AJAP1: variants seen among roughly 807,000 people sequenced by gnomAD.
The protein encoded by AJAP1 is adherens junctions associated protein 1.
In AJAP1, 5 loss-of-function variants were observed where a neutral mutation model predicts 35.0. That is an observed-to-expected ratio of 0.14 (90% CI 0.07 to 0.30). AJAP1 has a LOEUF of 0.30. Ranked by LOEUF, AJAP1 falls within the 10% of genes least tolerant of loss-of-function variation. The pLI is 1.00. For missense variants in AJAP1, 586 were observed against 571.0 expected, an observed-to-expected ratio of 1.03 and a Z score of -0.27; for synonymous variants, 284 against 249.3, an observed-to-expected ratio of 1.14 and a Z score of -1.31.
At chr1:4,741,395 G>C (rs937817389) in intron 2 of AJAP1, among the ~76,000 whole-genome samples, 1 of 152,056 alleles carries the variant, frequency 6.6e-6, no homozygotes, top group Non-Finnish European at 1.5e-5. Context: ...AGCTGCTGGC[G>C]TCCCTTGACT....
rs3753711 is a variant in AJAP1 at position 4,745,553 on chromosome 1, G to A, written c.830-24300G>A. 3.3e-5 allele frequency among the ~76,000 whole-genome samples: 5 copies of A among 152,306 alleles called. No homozygotes were observed. In the East Asian group the frequency reaches 9.7e-4, roughly 29 times the overall value. On this transcript the variant is annotated intron_variant, in intron 2 of 5. Transcript: ENST00000378191. Reference sequence around the variant, plus strand: ...TTCCTCTCCTCCTTCCACCCAGACTGCCTTACCCTCCTCTGCTGTTCACAG... The same window carrying A: ...TTCCTCTCCTCCTTCCACCCAGACTACCTTACCCTCCTCTGCTGTTCACAG...
intron 2 of AJAP1, among the ~76,000 whole-genome samples, chr1:4,728,889 G>A (rs1467334056): frequency 4.6e-5 from 7 of 152,016 alleles, no homozygotes; most frequent in African/African-American, 9.7e-5. Flanking sequence ...CCAGCGTCCT[G>A]TCACCGGGGA....
chr1:4,715,319 G>C (rs768986226), intron 2 of AJAP1, among the ~76,000 whole-genome samples: 1 of 152,244 alleles, frequency 6.6e-6, no homozygotes, highest in Non-Finnish European at 1.5e-5. Flanking sequence ...TCTGGGCTCT[G>C]TTGCATGTCA....
chr1:4,685,997 A>G (rs961228069), intron 1 of AJAP1, among the ~76,000 whole-genome samples: 2 of 152,346 alleles, frequency 1.3e-5, no homozygotes, highest in African/African-American at 4.8e-5. Context: ...TTTAGTGATC[A>G]TCTCCTGTTT....
At chr1:4,743,333 T>C (rs556741063) in intron 2 of AJAP1, among the ~76,000 whole-genome samples, 2 of 152,112 alleles carry the variant, frequency 1.3e-5, no homozygotes, top group Admixed American at 1.3e-4. Flanking sequence ...GGGATCAGCC[T>C]GTGGTAGTGA....
chr1:4,761,968 A>G (rs978604482), intron 2 of AJAP1, among the ~76,000 whole-genome samples: 2 of 152,286 alleles, frequency 1.3e-5, no homozygotes, highest in South Asian at 4.1e-4. Flanking sequence ...CCCATCAGAA[A>G]CAACACTTTG....
rs1007714933 is a variant in AJAP1, at chr1:4,783,491, A to G, written c.*1006A>G. 1.5e-5 allele frequency: 2 copies of G among 135,572 alleles called. No homozygotes were observed. The highest frequency in any genetic ancestry group is 3.1e-5 in the Non-Finnish European group (2 of 64,582). 8.4% of individuals were successfully genotyped at this position (135,572 alleles called of 1,614,324 possible). On this transcript the variant is annotated 3_prime_UTR_variant, in exon 6 of 6. Transcript: ENST00000378191. ...TGTGTGTATATATATATATATATAT[A>G]TATATATATATATATATATGTTTGT...
chr1:4,655,361 G>A lies in AJAP1; in HGVS notation c.-65G>A. On this transcript the variant is annotated 5_prime_UTR_variant, in exon 1 of 6. Coordinates refer to ENST00000378191, the MANE Select transcript of AJAP1 (RefSeq NM_018836.4). The surrounding 1 kb of genome is among the most constrained non-coding windows in gnomAD (Gnocchi z 6.9). ...GGCGCCGCGGGACGGAAGCGAGCGG[G>A]CGCGGGCGCCGCGCAGATGGCCTGG... 6.8e-7 allele frequency: 1 copy of A among 1,468,068 alleles called. No homozygotes were observed. Among genetic ancestry groups the A allele is most frequent in the Admixed American group, 2.1e-5 (1 of 47,052 alleles). The allele number at this position is 1,468,068 out of a possible 1,614,324, so 90.9% of individuals were successfully genotyped here. A position where few individuals can be genotyped will look rare whatever the true frequency, so the allele number is the denominator to read the frequency against.
chr1:4,696,792 T>C (rs1019223241), intron 1 of AJAP1, among the ~76,000 whole-genome samples: 1 of 152,124 alleles, frequency 6.6e-6, no homozygotes, highest in Non-Finnish European at 1.5e-5. Context: ...TCTGTGTGCA[T>C]GTGTGTCTCT....
At chr1:4,768,979 A>T (rs1381370584) in intron 2 of AJAP1, among the ~76,000 whole-genome samples, 1 of 152,172 alleles carries the variant, frequency 6.6e-6, no homozygotes, top group East Asian at 1.9e-4. Flanking sequence ...AGGTTTTGGG[A>T]CAGAGGTGGG....
rs1363413567 is a variant in AJAP1, at chr1:4,693,520, TG to T, written c.30-18376del. Among the ~76,000 whole-genome samples the T allele has an allele frequency of 6.6e-6, 1 of 151,048 alleles. No homozygotes were observed. The highest frequency in any genetic ancestry group is 1.5e-5 in the Non-Finnish European group (1 of 67,758). On this transcript the variant is annotated intron_variant, in intron 1 of 5. Transcript: ENST00000378191. This position sits in a 1 kb window ranked among gnomAD's most constrained non-coding sequence, Gnocchi z 4.4. ...TGCAGAATGGCCCTTCCTCCCCACG[TG>T]GGGCTGACAGCCTGTGTTTTGGGCA...
intron 2 of AJAP1, among the ~76,000 whole-genome samples, chr1:4,725,207 C>T (rs1282093919): frequency 6.6e-6 from 1 of 152,150 alleles, no homozygotes; most frequent in Non-Finnish European, 1.5e-5. Context: ...AAAGGGACCT[C>T]CAGCCCCCAA....
chr1:4,756,381 G>C (rs1168949699), intron 2 of AJAP1, among the ~76,000 whole-genome samples: 1 of 152,192 alleles, frequency 6.6e-6, no homozygotes, highest in Admixed American at 6.5e-5. Context: ...GTGTGCGGTA[G>C]TCTCATGGCA....
chr1:4,665,072 C>A (rs976460082), intron 1 of AJAP1, among the ~76,000 whole-genome samples: 1 of 151,816 alleles, frequency 6.6e-6, no homozygotes, highest in South Asian at 2.1e-4. Flanking sequence ...AAAAGCCCCA[C>A]GAGAGCTGGT....
chr1:4,752,954 T>G (rs1641351550), intron 2 of AJAP1, among the ~76,000 whole-genome samples: 1 of 152,202 alleles, frequency 6.6e-6, no homozygotes, highest in Non-Finnish European at 1.5e-5. Context: ...CAACCCTTCC[T>G]GGGGTGCTCC....
In AJAP1 at chr1:4,711,900, C is replaced by G; in HGVS notation, c.30C>G (p.Ser10Arg). Residue 10 changes from serine to arginine, a missense_variant and splice_region_variant, in exon 2 of 6, where the codon AGC becomes AGG. By Grantham distance (110) the Ser-to-Arg change is moderately radical. Transcript: ENST00000378191. ...CTTCTCTCCTTTCCCCCCCGCACAG[C>G]TCCATGTCCATCCGCTGGCCGGGCC... Reference protein sequence around the residue: MWIQQLLGLSSMSIRWPGRP... With the variant: MWIQQLLGLRSMSIRWPGRP... 6.7e-7 allele frequency: 1 copy of G among 1,501,756 alleles called. No individual in the cohort carries two copies. 93.0% of individuals were successfully genotyped at this position (1,501,756 alleles called of 1,614,324 possible).
chr1:4,722,424 T>C (rs1570156366), intron 2 of AJAP1, among the ~76,000 whole-genome samples: 1 of 152,342 alleles, frequency 6.6e-6, no homozygotes, highest in East Asian at 1.9e-4. Context: ...TCCTAGACAT[T>C]CCGAAAGCAG....
intron 1 of AJAP1, among the ~76,000 whole-genome samples, chr1:4,675,245 G>A (rs566272149): frequency 6.6e-6 from 1 of 152,346 alleles, no homozygotes; most frequent in Admixed American, 6.5e-5. Context: ...TCACCAGAAG[G>A]ACTTGAAGAA....
At chr1:4,757,036 GAC>G (rs962375420) in intron 2 of AJAP1, among the ~76,000 whole-genome samples, 41 of 152,312 alleles carry the variant, frequency 2.7e-4, no homozygotes, top group African/African-American at 9.6e-4. Flanking sequence ...ATGAGAGCCT[GAC>G]ACAGAGGCTC....
Sources: allele counts gnomAD v4.1 joint callset (sites outside exome capture counted in the v4.1 genomes callset), GRCh38; gene constraint gnomAD v4.1.1; non-coding constraint Gnocchi (gnomAD v3.1); transcripts MANE v1.5; gene names NCBI Gene and HGNC (gene_info 2026-07-23, HGNC 2026-07-21).